ARGFX: variants seen among roughly 807,000 people sequenced by gnomAD.
ARGFX encodes arginine-fifty homeobox.
Under a neutral mutation model 8.0 loss-of-function variants are expected in ARGFX, and 10 were observed. The observed-to-expected ratio is 1.25, with a 90% confidence interval of 0.77 to 2.12. The LOEUF is 2.12. Among genes scored for constraint, ARGFX ranks in the 30% most tolerant of loss-of-function variants. ARGFX has a pLI of 0.00. For synonymous variants in ARGFX, 116 were observed against 117.8 expected, an observed-to-expected ratio of 0.98 and a Z score of 0.10; for missense variants, 282 against 324.3, an observed-to-expected ratio of 0.87 and a Z score of 1.00.
intron 3 of ARGFX, among the ~76,000 whole-genome samples, chr3:121,583,071 C>T (rs2048789667): frequency 6.8e-6 from 1 of 148,108 alleles, no homozygotes; most frequent in African/African-American, 2.5e-5. Flanking sequence ...GCTCTGTCAC[C>T]CAGGCTAGAG....
At position 121,586,711 on chromosome 3, in the gene ARGFX, T is replaced by C; in HGVS notation, c.*111T>C. The C allele has an allele frequency of 1.1e-6, 1 of 921,276 alleles. No homozygotes were observed. Among genetic ancestry groups the C allele is most frequent in the Non-Finnish European group, 1.6e-6 (1 of 624,882 alleles). The allele number at this position is 921,276 out of a possible 1,614,324, so 57.1% of individuals were successfully genotyped here. A position where few individuals can be genotyped will look rare whatever the true frequency, so the allele number is the denominator to read the frequency against. ...AACCCAACATCTGGGTCTGTGTCTC[T>C]GATTTCCATGTAAATGTTGCAAAAA... is the stretch of plus-strand genomic sequence containing the variant. On this transcript the variant is annotated 3_prime_UTR_variant, in exon 5 of 5. Coordinates refer to ENST00000334384, the MANE Select transcript of ARGFX (RefSeq NM_001012659.2).
intron 2 of ARGFX, among the ~76,000 whole-genome samples, chr3:121,573,938 C>T (rs900449439): frequency 6.6e-6 from 1 of 151,094 alleles, no homozygotes; most frequent in Admixed American, 6.6e-5. Flanking sequence ...ATGAAAGATG[C>T]TCAGCAACAT....
chr3:121,583,845 C>T (rs2108838736), intron 3 of ARGFX, among the ~76,000 whole-genome samples: 1 of 152,086 alleles, frequency 6.6e-6, no homozygotes, highest in South Asian at 2.1e-4. Context: ...ATTTCTTTTC[C>T]CCAAAGTAGT....
chr3:121,588,311 C>CAAAAAAA lies in ARGFX; in HGVS notation c.*1725_*1731dup, dbSNP rs756800220. On this transcript the variant is annotated 3_prime_UTR_variant, in exon 5 of 5. Coordinates refer to ENST00000334384, the MANE Select transcript of ARGFX (RefSeq NM_001012659.2). ...TGAAATCCCGTCTCTACTAAAAATACAAAAAAAAAAAAAAAAAAAAGCCAG... is the reference window on the plus strand; with the variant it reads ...TGAAATCCCGTCTCTACTAAAAATACAAAAAAAAAAAAAAAAAAAAAAAAAAAGCCAG... Among the ~76,000 whole-genome samples the CAAAAAAA allele has an allele frequency of 5.8e-5, 3 of 51,490 alleles. No homozygotes were observed. The highest frequency in any genetic ancestry group is 8.8e-5 in the Non-Finnish European group (2 of 22,722). 33.8% of individuals were successfully genotyped at this position (51,490 alleles called of 152,430 possible). A position where few individuals can be genotyped will look rare whatever the true frequency, so the allele number is the denominator to read the frequency against.
At chr3:121,578,516 G>A (rs560738487) in intron 3 of ARGFX, among the ~76,000 whole-genome samples, 32 of 152,112 alleles carry the variant, frequency 2.1e-4, no homozygotes, top group South Asian at 1.5e-3. Flanking sequence ...GCTGAGGTGC[G>A]GAGGATCACT....
intron 3 of ARGFX, among the ~76,000 whole-genome samples, chr3:121,577,257 A>ATT (rs1451662475): frequency 4.9e-3 from 277 of 56,362 alleles, no homozygotes; most frequent in South Asian, 0.025. Context: ...ATATATATAT[A>ATT]TATTTTTTTT....
At chr3:121,577,916 G>A (rs2048753925) in intron 3 of ARGFX, among the ~76,000 whole-genome samples, 1 of 151,800 alleles carries the variant, frequency 6.6e-6, no homozygotes, top group African/African-American at 2.4e-5. Flanking sequence ...CTTTTGAGTA[G>A]CTGGGATTAC....
At chr3:121,577,159 G>A (rs1196898348) in intron 3 of ARGFX, among the ~76,000 whole-genome samples, 2 of 127,602 alleles carry the variant, frequency 1.6e-5, no homozygotes, top group Non-Finnish European at 3.5e-5. Context: ...ATAATTTTGA[G>A]TTATAAAGAA....
Position 121,589,384 on chromosome 3 carries a change from C to T in ARGFX, c.*2784C>T, listed in dbSNP as rs1358406332. On this transcript the variant is annotated 3_prime_UTR_variant, in exon 5 of 5. Transcript: ENST00000334384. ...TTTTATCAATATCTGTCAAATTAAA[C>T]TTCAAGGCAAAACTTTTTTATTGAG... 6.6e-6 allele frequency among the ~76,000 whole-genome samples: 1 copy of T among 152,076 alleles called. No homozygotes were observed. The highest frequency in any genetic ancestry group is 6.6e-5 in the Admixed American group (1 of 15,232).
intron 2 of ARGFX, among the ~76,000 whole-genome samples, chr3:121,572,497 C>T (rs1385932551): frequency 6.6e-6 from 1 of 151,878 alleles, no homozygotes; most frequent in African/African-American, 2.4e-5. Context: ...CCACGCGCCT[C>T]GGCCTTCCAA....
chr3:121,577,145 A>C (rs1184366685), intron 3 of ARGFX, among the ~76,000 whole-genome samples: 1 of 148,326 alleles, frequency 6.7e-6, no homozygotes, highest in African/African-American at 2.5e-5. Context: ...TATATTCATA[A>C]ATTATAATTT....
Position 121,584,991 on chromosome 3 carries a change from C to A in ARGFX, c.295C>A (p.Gln99Lys). 6.2e-7 allele frequency: 1 copy of A among 1,613,956 alleles called. No homozygotes were observed. The highest frequency in any genetic ancestry group is 8.5e-7 in the Non-Finnish European group (1 of 1,179,982). ...TGAGGAGCTAGAAGCTCTGTTTAGCCAGACCATGTTCCCAGATAGAAATCT... is the reference window on the plus strand; with the variant it reads ...TGAGGAGCTAGAAGCTCTGTTTAGCAAGACCATGTTCCCAGATAGAAATCT... The part of the protein sequence containing the change: ...QYEELEALFS[Q>K]TMFPDRNLQE... Residue 99 changes from glutamine (Q) to lysine (K), a missense_variant, in exon 4 of 5, where the codon CAG (glutamine) becomes AAG (lysine). By Grantham distance (53) the Gln-to-Lys change is moderately conservative (BLOSUM62 1). Transcript: ENST00000334384.
At chr3:121,577,625 A>G (rs942650340) in intron 3 of ARGFX, among the ~76,000 whole-genome samples, 1 of 152,092 alleles carries the variant, frequency 6.6e-6, no homozygotes, top group Admixed American at 6.6e-5. Context: ...CATACTCTAA[A>G]CTAAAATAAA....
At chr3:121,580,179 T>G (rs1164731182) in intron 3 of ARGFX, among the ~76,000 whole-genome samples, 1 of 151,658 alleles carries the variant, frequency 6.6e-6, no homozygotes, top group Non-Finnish European at 1.5e-5. Context: ...TGGTCCAGAC[T>G]GGTCTCGAAC....
chr3:121,585,041 C>T lies in ARGFX; in HGVS notation c.345C>T (p.Leu115=), dbSNP rs148181426. 6.4e-4 allele frequency: 1,033 copies of T among 1,613,914 alleles called. 2 individuals carry two copies. Among genetic ancestry groups the T allele is most frequent in the Middle Eastern group, 8.2e-4 (5 of 6,062 alleles). ...TTCAGGAGAAACTAGCTTTGAGACT[C>T]GACCTACCGGAGTCAACAGTAAAGG... ...RNLQEKLALR[L]DLPESTVKVW... The change falls in exon 4 of 5, where the codon CTC becomes CTT. Residue 115 remains leucine, a synonymous_variant. Transcript: ENST00000334384.
chr3:121,576,314 G>A (rs1317751250), intron 2 of ARGFX, among the ~76,000 whole-genome samples: 1 of 152,042 alleles, frequency 6.6e-6, no homozygotes, highest in Admixed American at 6.6e-5. Flanking sequence ...AGTGGCTAAA[G>A]TGTGTCTATT....
At chr3:121,582,410 G>C (rs892111967) in intron 3 of ARGFX, among the ~76,000 whole-genome samples, 4 of 152,020 alleles carry the variant, frequency 2.6e-5, no homozygotes, top group African/African-American at 9.7e-5. Flanking sequence ...GGTAAATACA[G>C]TTTGAGTAGA....
intron 3 of ARGFX, among the ~76,000 whole-genome samples, chr3:121,577,253 A>T (rs1265366267): frequency 4.3e-3 from 227 of 53,242 alleles, no homozygotes; most frequent in Admixed American, 7.3e-3. Flanking sequence ...ATATATATAT[A>T]TATATATTTT....
At chr3:121,585,655 A>G (rs1432712661) in intron 4 of ARGFX, among the ~76,000 whole-genome samples, 2 of 151,896 alleles carry the variant, frequency 1.3e-5, no homozygotes, top group African/African-American at 2.4e-5. Context: ...TTTTTACTGG[A>G]GTATTCCTTA....
Sources: allele counts gnomAD v4.1 joint callset (sites outside exome capture counted in the v4.1 genomes callset), GRCh38; gene constraint gnomAD v4.1.1; transcripts MANE v1.5; gene names NCBI Gene and HGNC (gene_info 2026-07-23, HGNC 2026-07-21).